CTNNA2: variants seen among roughly 807,000 people sequenced by gnomAD.
CTNNA2 encodes catenin alpha 2, also known as catenin alpha-2.
A neutral mutation model predicts 101.0 loss-of-function variants in CTNNA2; 42 were observed. The ratio of observed to expected loss-of-function variants is 0.42; its 90% CI spans 0.32 to 0.54. The LOEUF (loss-of-function observed/expected upper bound fraction) is 0.54, where lower values mean the gene tolerates loss of function less well. CTNNA2 is among the 20% of genes least tolerant of loss of function. The pLI is 0.14. For synonymous variants in CTNNA2, 450 were observed against 456.4 expected (o/e 0.99, Z 0.18); for missense variants, 871 against 1,223.1 (o/e 0.71, Z 4.29).
chr2:79,924,595 C>T (rs527673116), intron 7 of CTNNA2, among the ~76,000 whole-genome samples: 18 of 152,228 alleles, frequency 1.2e-4, no homozygotes, highest in South Asian at 4.1e-4. Context: ...TTTCTTCCAT[C>T]GCTACGTTCA....
intron 7 of CTNNA2, among the ~76,000 whole-genome samples, chr2:80,041,553 C>T (rs1280838372): frequency 3.3e-5 from 5 of 152,046 alleles, no homozygotes; most frequent in Admixed American, 6.6e-5. Flanking sequence ...AATGACTTTT[C>T]CCCCTGACAT....
chr2:80,117,537 A>C (rs1381341134), intron 7 of CTNNA2, among the ~76,000 whole-genome samples: 3 of 151,516 alleles, frequency 2.0e-5, no homozygotes, highest in African/African-American at 7.3e-5. Context: ...TGAAATGCAC[A>C]ATTCTGGCTG....
intron 12 of CTNNA2, among the ~76,000 whole-genome samples, chr2:80,569,971 G>A (rs1178918567): frequency 1.3e-5 from 2 of 152,076 alleles, no homozygotes; most frequent in East Asian, 1.9e-4. Context: ...CAAAGTATTA[G>A]AAAAATTAAT....
At chr2:79,443,597 A>G (rs1175637437) in intron 4 of CTNNA2, among the ~76,000 whole-genome samples, 2 of 152,132 alleles carry the variant, frequency 1.3e-5, no homozygotes, top group East Asian at 3.9e-4. Flanking sequence ...ATTAACTATC[A>G]CAAGTAGGAA....
intron 7 of CTNNA2, among the ~76,000 whole-genome samples, chr2:80,253,548 A>C (rs1671922717): frequency 6.6e-6 from 1 of 151,924 alleles, no homozygotes; most frequent in Non-Finnish European, 1.5e-5. Context: ...ATTCCAATCT[A>C]CCTGCTGTTC....
chr2:79,848,611 G>T (rs1042916651), intron 3 of CTNNA2, among the ~76,000 whole-genome samples: 1 of 152,168 alleles, frequency 6.6e-6, no homozygotes, highest in African/African-American at 2.4e-5. Flanking sequence ...TGTGCCTTCT[G>T]CAAGGTGGCG....
chr2:79,430,897 G>A (rs1009463771), intron 4 of CTNNA2, among the ~76,000 whole-genome samples: 5 of 151,890 alleles, frequency 3.3e-5, no homozygotes, highest in Admixed American at 3.3e-4. Context: ...ATTTTATTCA[G>A]GTCTTTGCAT....
chr2:80,374,436 C>T (rs1675733985), intron 7 of CTNNA2, among the ~76,000 whole-genome samples: 2 of 152,256 alleles, frequency 1.3e-5, no homozygotes, highest in South Asian at 2.1e-4. Context: ...ATATGTAACA[C>T]ATCTTCTTTA....
chr2:79,223,237 C>T (rs1014157285), intron 2 of CTNNA2, among the ~76,000 whole-genome samples: 5 of 152,152 alleles, frequency 3.3e-5, no homozygotes, highest in Non-Finnish European at 7.3e-5. Flanking sequence ...AAGCAGTTAG[C>T]AGTCTACATA....
At position 79,364,351 on chromosome 2, in the gene CTNNA2, T is replaced by C. The variant is rs189358414; in HGVS notation, c.-317-9480T>C. ...AATGAGCAGCAACAAACTTCTCATA[T>C]GTTTAAGTTCATACAGATCCACTGT... On this transcript the variant is annotated intron_variant, in intron 3 of 21. Coordinates refer to the CTNNA2 transcript ENST00000466387. Among the ~76,000 whole-genome samples the C allele has an allele frequency of 7.2e-5, 11 of 152,312 alleles. No individual in the cohort carries two copies. The East Asian group carries it at 2.1e-3, about 30-fold the overall frequency.
intron 6 of CTNNA2, among the ~76,000 whole-genome samples, chr2:79,906,146 A>G (rs1685407697): frequency 6.6e-6 from 1 of 152,168 alleles, no homozygotes; most frequent in African/African-American, 2.4e-5. Flanking sequence ...ACGTACACAT[A>G]CATGCATCCA....
chr2:79,497,036 G>A (rs1671263387), intron 4 of CTNNA2, among the ~76,000 whole-genome samples: 1 of 152,080 alleles, frequency 6.6e-6, no homozygotes, highest in Non-Finnish European at 1.5e-5. Flanking sequence ...CCTAGTGTAG[G>A]CCTACACAGT....
At chr2:79,454,155 C>T (rs1670787880) in intron 4 of CTNNA2, among the ~76,000 whole-genome samples, 1 of 152,058 alleles carries the variant, frequency 6.6e-6, no homozygotes, top group South Asian at 2.1e-4. Context: ...TCTTCATTTG[C>T]AAGATTGTTT....
intron 7 of CTNNA2, among the ~76,000 whole-genome samples, chr2:80,195,604 C>T (rs954740155): frequency 2.0e-5 from 3 of 148,986 alleles, no homozygotes; most frequent in African/African-American, 7.5e-5. Context: ...GGTGGAAAAC[C>T]AAAACATCTT....
At chr2:79,304,200 G>T (rs78157428) in intron 2 of CTNNA2, among the ~76,000 whole-genome samples, 2 of 152,120 alleles carry the variant, frequency 1.3e-5, no homozygotes, top group Non-Finnish European at 2.9e-5. Flanking sequence ...TGGAAACTGC[G>T]TCAAGGGTGA....
At chr2:80,128,355 C>T (rs562498331) in intron 7 of CTNNA2, among the ~76,000 whole-genome samples, 191 of 152,186 alleles carry the variant, frequency 1.3e-3, no homozygotes, top group Middle Eastern at 3.4e-3. Flanking sequence ...CACTTAACCT[C>T]TAATGGGAGT....
chr2:79,460,881 A>C (rs1462753346), intron 4 of CTNNA2, among the ~76,000 whole-genome samples: 1 of 149,254 alleles, frequency 6.7e-6, no homozygotes, highest in Non-Finnish European at 1.5e-5. Flanking sequence ...TTGCTATGTC[A>C]CCCAGGCTGG....
intron 4 of CTNNA2, among the ~76,000 whole-genome samples, chr2:79,480,226 G>A (rs1295248339): frequency 6.6e-6 from 1 of 152,002 alleles, no homozygotes; most frequent in Non-Finnish European, 1.5e-5. Flanking sequence ...CACCCAGGGA[G>A]GGCATTAATC....
Position 80,455,866 on chromosome 2 carries a change from A to G in CTNNA2, c.1290+36265A>G, listed in dbSNP as rs570571404. On this transcript the variant is annotated intron_variant, in intron 9 of 18. Transcript: ENST00000402739. ...GCATAATTTTGTTCTCAGTGCACTG[A>G]TCCATTTAATCTTCGAAACAAGCCT... 4.6e-5 allele frequency among the ~76,000 whole-genome samples: 7 copies of G among 152,232 alleles called. No homozygotes were observed. In the South Asian group the frequency reaches 1.5e-3, roughly 32 times the overall value.
Sources: gnomAD v4.1 joint callset for allele counts (sites outside exome capture counted in the v4.1 genomes callset) on GRCh38, gnomAD v4.1.1 for gene constraint, MANE v1.5 for transcripts, NCBI Gene and HGNC (gene_info 2026-07-23, HGNC 2026-07-21) for gene names.